Variants in SMCHD1 observed in about 807,000 individuals in gnomAD.
SMCHD1 encodes the protein structural maintenance of chromosomes flexible hinge domain-containing protein 1.
In SMCHD1, 78 loss-of-function variants were observed where a neutral mutation model predicts 254.7. The observed-to-expected ratio is 0.31, with a 90% confidence interval of 0.26 to 0.37. The LOEUF is 0.37. Ranked by LOEUF, SMCHD1 falls within the 10% of genes least tolerant of loss-of-function variation. The probability of loss-of-function intolerance (pLI) is 1.00; values close to 1 mark genes in which losing one functional copy is unlikely to be tolerated. For missense variants in SMCHD1, 1,840 were observed against 2,408.1 expected, an observed-to-expected ratio of 0.76 and a Z score of 4.94; for synonymous variants, 766 against 794.9, an observed-to-expected ratio of 0.96 and a Z score of 0.61.
At position 2,688,504 on chromosome 18, in the gene SMCHD1, C is replaced by G; in HGVS notation, c.749C>G (p.Ala250Gly). 6.2e-7 allele frequency: 1 copy of G among 1,609,956 alleles called. No individual in the cohort carries two copies. The highest frequency in any genetic ancestry group is 8.5e-7 in the Non-Finnish European group (1 of 1,176,620). Reference protein sequence around the residue: ...KQAVFFVGQSARMISKPADSQ... With the variant: ...KQAVFFVGQSGRMISKPADSQ... ...GCTGTCTTCTTTGTTGGACAATCAG[C>G]CAGAGTAAGTAAAAAGATTTCTTAT... is the stretch of plus-strand genomic sequence containing the variant. The change falls in exon 6 of 48, where the codon GCC becomes GGC. Residue 250 changes from alanine (A) to glycine (G), a missense_variant. By Grantham distance (60) the Ala-to-Gly change is moderately conservative. Transcript: ENST00000320876.
chr18:2,738,027 T>C (rs2075282041), intron 25 of SMCHD1, among the ~76,000 whole-genome samples: 1 of 152,178 alleles, frequency 6.6e-6, no homozygotes, highest in Non-Finnish European at 1.5e-5. Context: ...TTGAAAGCTT[T>C]CCCATAAATA....
chr18:2,698,003 A>G lies in SMCHD1; in HGVS notation c.1304A>G (p.Asp435Gly), dbSNP rs2074320083. 6.2e-7 allele frequency: 1 copy of G among 1,613,486 alleles called. No individual in the cohort carries two copies. The highest frequency in any genetic ancestry group is 1.1e-5 in the South Asian group (1 of 91,066). Residue 435 changes from aspartate (D) to glycine (G), a missense_variant, in exon 10 of 48, where the codon GAT (aspartate) becomes GGT (glycine). Physicochemically the swap from Asp to Gly is moderately conservative, Grantham distance 94. Coordinates refer to ENST00000320876, the MANE Select transcript of SMCHD1 (RefSeq NM_015295.3). ...ATCCGTTATCATCCATTCTTATATG[A>G]TAGAGAAACTTACCCTGATGATCCA... The part of the protein sequence containing the change: ...GIIRYHPFLY[D>G]RETYPDDPCF...
intron 5 of SMCHD1, among the ~76,000 whole-genome samples, chr18:2,682,116 A>T (rs1043803515): frequency 1.3e-5 from 2 of 151,942 alleles, no homozygotes; most frequent in African/African-American, 4.8e-5. Flanking sequence ...AGAGGCTCTG[A>T]TAGAGATTGG....
At chr18:2,688,106 TA>T (rs1207065850) in intron 5 of SMCHD1, among the ~76,000 whole-genome samples, 1 of 152,234 alleles carries the variant, frequency 6.6e-6, no homozygotes. Flanking sequence ...ATGAGGATAA[TA>T]AAAATACTTA....
intron 45 of SMCHD1, 80 bp downstream of exon 45, chr18:2,784,701 C>G: frequency 1.4e-6 from 2 of 1,382,884 alleles, no homozygotes; most frequent in Non-Finnish European, 2.0e-6. Context: ...TTTTGAGAAT[C>G]TAACATGAAA....
chr18:2,660,086 G>A (rs1472986668), intron 1 of SMCHD1, among the ~76,000 whole-genome samples: 2 of 152,180 alleles, frequency 1.3e-5, no homozygotes, highest in Non-Finnish European at 2.9e-5. Flanking sequence ...CACTTCGGGA[G>A]GCCAAGGCGG....
chr18:2,661,961 C>G, intron 1 of SMCHD1, among the ~76,000 whole-genome samples: 1 of 84,476 alleles, frequency 1.2e-5, no homozygotes, highest in Non-Finnish European at 2.3e-5. Flanking sequence ...TCGAGACCAT[C>G]CTGGCTAACA....
At chr18:2,672,665 A>G (rs1013092602) in intron 3 of SMCHD1, among the ~76,000 whole-genome samples, 2 of 152,124 alleles carry the variant, frequency 1.3e-5, no homozygotes, top group Non-Finnish European at 2.9e-5. Context: ...CCTTGAAGAA[A>G]GGAGAATATT....
intron 15 of SMCHD1, chr18:2,707,343 T>C (rs577682692): frequency 1.6e-4 from 51 of 320,296 alleles, no homozygotes; most frequent in African/African-American, 1.0e-3. Context: ...TGGCTTTTAA[T>C]TCCAAAAGGT....
Position 2,783,117 on chromosome 18 carries a change from A to ATATGTATAC in SMCHD1, c.5548-1329_5548-1321dup, listed in dbSNP as rs552848128. Among the ~76,000 whole-genome samples the ATATGTATAC allele has an allele frequency of 4.5e-3, 683 of 152,324 alleles. 5 individuals are homozygous for ATATGTATAC. Among genetic ancestry groups the ATATGTATAC allele is most frequent in the African/African-American group, 0.015 (631 of 41,562 alleles). On this transcript the variant is annotated intron_variant, in intron 44 of 47. Transcript: ENST00000320876. Reference sequence around the variant, plus strand: ...TTAGTGTTTTTCTTCATTCATTAATATATGTATACTATTTCATTGTATGGA... The same window carrying ATATGTATAC: ...TTAGTGTTTTTCTTCATTCATTAATATATGTATACTATGTATACTATTTCATTGTATGGA...
chr18:2,656,593 G>C (rs2073067029), intron 1 of SMCHD1, among the ~76,000 whole-genome samples: 1 of 152,244 alleles, frequency 6.6e-6, no homozygotes, highest in Non-Finnish European at 1.5e-5. Flanking sequence ...CTGCAGTCTA[G>C]GGAAAGCCGT....
At position 2,795,946 on chromosome 18, in the gene SMCHD1, C is replaced by T. The variant is rs1598460048; in HGVS notation, c.5720-3C>T. On this transcript the variant is annotated splice_region_variant and splice_polypyrimidine_tract_variant and intron_variant, in intron 45 of 47. Transcript: ENST00000320876. ...TAATCAAATGCATTTGGTTTCTTTA[C>T]AGATCTTCTTCAGCAGTATCGTTCT... is the stretch of plus-strand genomic sequence containing the variant. 3 of 1,574,102 alleles carry T rather than the reference C, an allele frequency of 1.9e-6. No individual in the cohort carries two copies. Among genetic ancestry groups the T allele is most frequent in the African/African-American group, 1.4e-5 (1 of 73,970 alleles).
At position 2,803,826 on chromosome 18, in the gene SMCHD1, T is replaced by A. The variant is rs2076405209; in HGVS notation, c.*1274T>A. The A allele has an allele frequency of 6.6e-6, 1 of 152,208 alleles. No homozygotes were observed. Among genetic ancestry groups the A allele is most frequent in the Admixed American group, 6.5e-5 (1 of 15,282 alleles). The allele number at this position is 152,208 out of a possible 1,614,324, so 9.4% of individuals were successfully genotyped here. A position where few individuals can be genotyped will look rare whatever the true frequency, so the allele number is the denominator to read the frequency against. On this transcript the variant is annotated 3_prime_UTR_variant, in exon 48 of 48. Transcript: ENST00000320876. ...TTGAGTATCCCTTATTCAAAATGGT[T>A]GGGACCTGAAGTGTTTTGGATTTTG...
At chr18:2,729,028 TAA>T (rs1266847726) in intron 23 of SMCHD1, among the ~76,000 whole-genome samples, 1 of 151,210 alleles carries the variant, frequency 6.6e-6, no homozygotes, top group Non-Finnish European at 1.5e-5. Flanking sequence ...TCCAGTTAAG[TAA>T]AAAAGAAAAG....
intron 34 of SMCHD1, among the ~76,000 whole-genome samples, chr18:2,758,300 C>G (rs1282912437): frequency 6.6e-6 from 1 of 151,940 alleles, no homozygotes; most frequent in Admixed American, 6.6e-5. Context: ...TCACTGTTCT[C>G]TAAGTGATTT....
chr18:2,769,172 GAGAA>G (rs575644946), intron 37 of SMCHD1, among the ~76,000 whole-genome samples: 174 of 152,198 alleles, frequency 1.1e-3, no homozygotes, highest in Admixed American at 2.4e-3. Context: ...ATCCATTAAT[GAGAA>G]AGACACAATT....
At position 2,700,828 on chromosome 18, in the gene SMCHD1, C is replaced by A. The variant is rs538961150; in HGVS notation, c.1557C>A (p.Phe519Leu). The change falls in exon 12 of 48, where the codon TTC (phenylalanine) becomes TTA (leucine). Residue 519 changes from phenylalanine to leucine, a missense_variant. Phe to Leu is a conservative substitution (Grantham distance 22). Transcript: ENST00000320876. ...ISGALFTNDKFQVSTNKLTFM... is the reference protein window; with the variant it reads ...ISGALFTNDKLQVSTNKLTFM... ...GTGCATTATTCACTAATGACAAATT[C>A]CAGGTCAGCACAAATAAATTGACGT... 1 of 1,613,270 alleles carries A rather than the reference C, an allele frequency of 6.2e-7. No homozygotes were observed. The highest frequency in any genetic ancestry group is 2.2e-5 in the East Asian group (1 of 44,804).
At chr18:2,682,482 C>T (rs1244905083) in intron 5 of SMCHD1, among the ~76,000 whole-genome samples, 1 of 152,124 alleles carries the variant, frequency 6.6e-6, no homozygotes, top group Admixed American at 6.5e-5. Context: ...ACCACCACTC[C>T]TGAAAAATTT....
chr18:2,785,219 G>A (rs771089195), intron 45 of SMCHD1, among the ~76,000 whole-genome samples: 1 of 152,064 alleles, frequency 6.6e-6, no homozygotes, highest in Non-Finnish European at 1.5e-5. Flanking sequence ...TTAGCTTAGA[G>A]CCTATTTGCT....
Sources: gnomAD v4.1 joint callset for allele counts (sites outside exome capture counted in the v4.1 genomes callset) on GRCh38, gnomAD v4.1.1 for gene constraint, MANE v1.5 for transcripts, NCBI Gene and HGNC (gene_info 2026-07-23, HGNC 2026-07-21) for gene names.